Variants in JAZF1 observed in about 807,000 individuals in gnomAD.
The protein encoded by JAZF1 is JAZF zinc finger 1, also known as juxtaposed with another zinc finger protein 1.
Under a neutral mutation model 26.4 loss-of-function variants are expected in JAZF1, and 8 were observed. The ratio of observed to expected loss-of-function variants is 0.30; its 90% CI spans 0.18 to 0.55. The LOEUF is 0.55. JAZF1 is among the 20% of genes least tolerant of loss of function. The pLI is 0.94. For synonymous variants in JAZF1, 126 were observed against 122.3 expected, an observed-to-expected ratio of 1.03 and a Z score of -0.20; for missense variants, 199 against 322.0, an observed-to-expected ratio of 0.62 and a Z score of 2.92.
Position 27,993,650 on chromosome 7 carries a change from T to C in JAZF1, c.116-1669A>G, listed in dbSNP as rs541827561. Among the ~76,000 whole-genome samples, 6 of 152,234 alleles carry C rather than the reference T, an allele frequency of 3.9e-5. No homozygotes were observed. In the South Asian group the frequency reaches 1.2e-3, roughly 32 times the overall value. The stretch of plus-strand genomic sequence containing the variant: ...ACATGCTAATCCTACAGGGTCTTTC[T>C]AGGTGCTTAACGAGGTAAGAAACAA... On this transcript the variant is annotated intron_variant, in intron 1 of 4. Transcript: ENST00000283928.
intron 1 of JAZF1, among the ~76,000 whole-genome samples, chr7:28,106,681 C>T (rs1039005508): frequency 4.6e-5 from 7 of 152,144 alleles, no homozygotes; most frequent in African/African-American, 1.4e-4. Context: ...TAGCAATATG[C>T]TTGAGAATTT....
intron 1 of JAZF1, among the ~76,000 whole-genome samples, chr7:28,006,728 A>C (rs1782708173): frequency 6.6e-6 from 1 of 152,176 alleles, no homozygotes; most frequent in African/African-American, 2.4e-5. Context: ...TCTGACTTCA[A>C]AGTATGTGCT....
chr7:28,138,800 C>T (rs935076299), intron 1 of JAZF1, among the ~76,000 whole-genome samples: 3 of 152,184 alleles, frequency 2.0e-5, no homozygotes, highest in African/African-American at 4.8e-5. Flanking sequence ...GACCTGGGCT[C>T]GGGCCCCAGA....
intron 1 of JAZF1, among the ~76,000 whole-genome samples, chr7:28,116,603 C>T (rs969503662): frequency 1.3e-5 from 2 of 148,398 alleles, no homozygotes; most frequent in African/African-American, 2.4e-5. Flanking sequence ...CCACTACGCC[C>T]GGCTAATTTT....
At position 28,147,380 on chromosome 7, in the gene JAZF1, T is replaced by C. The variant is rs1471351608; in HGVS notation, c.115+33083A>G. Among the ~76,000 whole-genome samples, 3 of 152,300 alleles carry C rather than the reference T, an allele frequency of 2.0e-5. No individual in the cohort carries two copies. In the East Asian group the frequency reaches 5.8e-4, roughly 29 times the overall value. On this transcript the variant is annotated intron_variant, in intron 1 of 4. Transcript: ENST00000283928. Reference sequence around the variant, plus strand: ...TATAAAAAAATTATAAAATATGTCCTTCATACAGAAAAGCCCAAAGAATAA... The same window carrying C: ...TATAAAAAAATTATAAAATATGTCCCTCATACAGAAAAGCCCAAAGAATAA...
At chr7:28,176,172 G>A (rs1783548848) in intron 1 of JAZF1, among the ~76,000 whole-genome samples, 1 of 152,232 alleles carries the variant, frequency 6.6e-6, no homozygotes, top group Non-Finnish European at 1.5e-5. Context: ...CATAGCTAAT[G>A]CAAGCCATTC....
At chr7:27,839,219 C>T (rs936887852) in intron 4 of JAZF1, among the ~76,000 whole-genome samples, 1 of 152,156 alleles carries the variant, frequency 6.6e-6, no homozygotes, top group African/African-American at 2.4e-5. Flanking sequence ...TACTTGGCTC[C>T]CGCTTTTAAC....
chr7:27,870,947 T>C (rs73083378), intron 3 of JAZF1, among the ~76,000 whole-genome samples: 11,552 of 152,262 alleles, frequency 0.076, 642 homozygotes, highest in Middle Eastern at 0.12. Flanking sequence ...CCAGAGTAGT[T>C]AGCAATGCTT....
chr7:28,087,763 A>C (rs1463356254), intron 1 of JAZF1, among the ~76,000 whole-genome samples: 2 of 152,178 alleles, frequency 1.3e-5, no homozygotes, highest in African/African-American at 4.8e-5. Context: ...TGCAAGGAGG[A>C]GGTCATTTGT....
intron 3 of JAZF1, among the ~76,000 whole-genome samples, chr7:27,885,069 TC>T (rs1161060126): frequency 1.3e-5 from 2 of 152,238 alleles, no homozygotes; most frequent in African/African-American, 4.8e-5. Context: ...CTCCCCCGGT[TC>T]TAAAGACTTT....
At chr7:27,966,539 G>A (rs956716879) in intron 2 of JAZF1, among the ~76,000 whole-genome samples, 1 of 152,130 alleles carries the variant, frequency 6.6e-6, no homozygotes, top group Non-Finnish European at 1.5e-5. Flanking sequence ...GAAGGGAAGG[G>A]CACTGATGGT....
intron 1 of JAZF1, among the ~76,000 whole-genome samples, chr7:28,119,953 C>T (rs62449907): frequency 0.031 from 4,714 of 152,220 alleles, 122 homozygotes; most frequent in Non-Finnish European, 0.046. Flanking sequence ...TCAATGATGC[C>T]TAACAAGCCC....
intron 1 of JAZF1, among the ~76,000 whole-genome samples, chr7:28,080,499 G>T (rs948532124): frequency 6.6e-6 from 1 of 152,222 alleles, no homozygotes; most frequent in Non-Finnish European, 1.5e-5. Flanking sequence ...TTTTCAGCCT[G>T]TGTTGGCTTT....
chr7:27,945,309 G>T (rs1477167479), intron 2 of JAZF1, among the ~76,000 whole-genome samples: 1 of 152,156 alleles, frequency 6.6e-6, no homozygotes, highest in South Asian at 2.1e-4. Context: ...GAAGCCCAGC[G>T]GGGCAAGCCA....
chr7:28,145,375 T>C (rs1366084432), intron 1 of JAZF1, among the ~76,000 whole-genome samples: 5 of 152,168 alleles, frequency 3.3e-5, no homozygotes, highest in Admixed American at 1.3e-4. Flanking sequence ...CCTAAGCACA[T>C]ACTGAAATGG....
intron 2 of JAZF1, among the ~76,000 whole-genome samples, chr7:27,957,838 A>G (rs976326120): frequency 6.6e-4 from 101 of 152,262 alleles, no homozygotes; most frequent in Non-Finnish European, 6.2e-4. Flanking sequence ...TTGCTAATTG[A>G]AAATTCTAAG....
intron 2 of JAZF1, among the ~76,000 whole-genome samples, chr7:27,895,999 C>A (rs1360373255): frequency 6.6e-6 from 1 of 152,148 alleles, no homozygotes; most frequent in Non-Finnish European, 1.5e-5. Flanking sequence ...GGATTCTAGT[C>A]CCCAGTTCCT....
intron 1 of JAZF1, among the ~76,000 whole-genome samples, chr7:28,162,015 T>A (rs1783300373): frequency 6.6e-6 from 1 of 152,186 alleles, no homozygotes; most frequent in Non-Finnish European, 1.5e-5. Flanking sequence ...TGCAGCACAA[T>A]AAATTGTAAT....
At chr7:28,131,516 G>C (rs1032298022) in intron 1 of JAZF1, among the ~76,000 whole-genome samples, 1 of 152,012 alleles carries the variant, frequency 6.6e-6, no homozygotes, top group African/African-American at 2.4e-5. Flanking sequence ...TAAAATTATA[G>C]GTATTATCTC....
Sources: allele counts gnomAD v4.1 joint callset (sites outside exome capture counted in the v4.1 genomes callset), GRCh38; gene constraint gnomAD v4.1.1; transcripts MANE v1.5; gene names NCBI Gene and HGNC (gene_info 2026-07-23, HGNC 2026-07-21).